The following PSMG2 variants were observed in gnomAD, a reference collection of about 807,000 sequenced individuals.
The protein encoded by PSMG2 is CD40 ligand-activated specific transcript 3.
PSMG2 carries 21 observed loss-of-function variants against 31.5 expected under a neutral mutation model. The observed-to-expected ratio is 0.67, with a 90% confidence interval of 0.47 to 0.96. The LOEUF (loss-of-function observed/expected upper bound fraction) is 0.96. Ranked by LOEUF, PSMG2 falls within the 40% of genes least tolerant of loss-of-function variation. The pLI is 0.00. For synonymous variants in PSMG2, 120 were observed against 110.4 expected (o/e 1.09, Z -0.54); for missense variants, 318 against 321.2 (o/e 0.99, Z 0.08).
At chr18:12,720,089 C>T (rs2040416595) in intron 4 of PSMG2, among the ~76,000 whole-genome samples, 1 of 152,078 alleles carries the variant, frequency 6.6e-6, no homozygotes, top group Non-Finnish European at 1.5e-5. Context: ...CTCTGTCACC[C>T]AGGCTGGAGT....
chr18:12,714,692 G>A (rs1336581967), intron 3 of PSMG2, among the ~76,000 whole-genome samples: 3 of 150,872 alleles, frequency 2.0e-5, no homozygotes, highest in African/African-American at 4.9e-5. Flanking sequence ...GTGGGGTTTC[G>A]CCATGTTGCC....
intron 4 of PSMG2, among the ~76,000 whole-genome samples, chr18:12,719,852 T>C (rs1182419599): frequency 6.7e-6 from 1 of 149,208 alleles, no homozygotes; most frequent in Admixed American, 6.7e-5. Flanking sequence ...GCCTCCCGAG[T>C]ACTTGGGACT....
chr18:12,702,730 C>G, upstream of PSMG2: 1 of 650,756 alleles, frequency 1.5e-6, no homozygotes, highest in Non-Finnish European at 2.5e-6. Context: ...AAATGAGGCC[C>G]CGGCGGCGGC....
chr18:12,676,377 C>T (rs926077830), intron 1 of PSMG2, among the ~76,000 whole-genome samples: 3 of 150,618 alleles, frequency 2.0e-5, no homozygotes, highest in Admixed American at 1.3e-4. Context: ...TCTGCCTCCC[C>T]GGCTCCTTTC....
chr18:12,713,464 G>C (rs1171655586), intron 3 of PSMG2, among the ~76,000 whole-genome samples: 1 of 152,168 alleles, frequency 6.6e-6, no homozygotes, highest in African/African-American at 2.4e-5. Context: ...AGGTTCAGAG[G>C]GTGGATTCTG....
intron 1 of PSMG2, among the ~76,000 whole-genome samples, chr18:12,672,136 A>C (rs2038964455): frequency 7.2e-6 from 1 of 138,194 alleles, no homozygotes. Context: ...TTTTTCTGAG[A>C]TGCAGTCTCG....
At chr18:12,661,079 G>A (rs919816828) in intron 1 of PSMG2, among the ~76,000 whole-genome samples, 4 of 151,854 alleles carry the variant, frequency 2.6e-5, no homozygotes, top group Admixed American at 6.6e-5. Context: ...AGGCCGAGGC[G>A]GGCAGATCAC....
chr18:12,725,459 T>G lies in PSMG2; in HGVS notation c.723T>G (p.Ser241=). 7.5e-6 allele frequency: 12 copies of G among 1,600,462 alleles called. No individual in the cohort carries two copies. Among genetic ancestry groups the G allele is most frequent in the Non-Finnish European group, 1.0e-5 (12 of 1,167,910 alleles). ...TACAGAGCGATGACCCCACAGTATC[T>G]GCCTCACGGTGGAAAATACCAAGTT... ...LKPLSDDPTV[S]ASRWKIPSSW... is the part of the protein sequence containing the mutation. Residue 241 remains serine (S), a synonymous_variant, in exon 7 of 7, where the codon TCT becomes TCG. Coordinates refer to ENST00000317615, the MANE Select transcript of PSMG2 (RefSeq NM_020232.5).
intron 1 of PSMG2, chr18:12,697,530 A>C: frequency 1.5e-6 from 1 of 681,156 alleles, no homozygotes; most frequent in Non-Finnish European, 2.3e-6. Flanking sequence ...ACAATTTGCT[A>C]ATGTCTCAGA....
intron 1 of PSMG2, chr18:12,673,407 A>G: frequency 6.2e-7 from 1 of 1,607,980 alleles, no homozygotes; most frequent in African/African-American, 1.3e-5. Context: ...TGATCCAAAC[A>G]GCACATGCAG....
chr18:12,660,310 A>G (rs1288628165), intron 1 of PSMG2, among the ~76,000 whole-genome samples: 1 of 145,378 alleles, frequency 6.9e-6, no homozygotes, highest in African/African-American at 2.6e-5. Flanking sequence ...TAATCAATGG[A>G]AAAAGATGCA....
intron 1 of PSMG2, among the ~76,000 whole-genome samples, chr18:12,665,376 G>C (rs1367888320): frequency 2.6e-5 from 4 of 152,082 alleles, no homozygotes; most frequent in Non-Finnish European, 5.9e-5. Context: ...GCAGTGAATC[G>C]AGTTCATGCC....
Position 12,703,182 on chromosome 18 carries a change from C to T in PSMG2, c.57+18C>T, listed in dbSNP as rs952579915. The T allele has an allele frequency of 1.9e-6, 3 of 1,599,654 alleles. No individual in the cohort carries two copies. The highest frequency in any genetic ancestry group is 1.3e-5 in the African/African-American group (1 of 74,492). On this transcript the variant is annotated intron_variant, in intron 1 of 6. Transcript: ENST00000317615. ...TCCTAATGGTGAGTCTCCATTTGCG[C>T]TCGGGGCTGCCGCCTCCCGAGGCCC...
At chr18:12,690,291 G>C (rs1309355601) in intron 1 of PSMG2, among the ~76,000 whole-genome samples, 2 of 152,164 alleles carry the variant, frequency 1.3e-5, no homozygotes, top group Non-Finnish European at 2.9e-5. Flanking sequence ...AAAATCTAGG[G>C]AAAGTAGGGT....
chr18:12,703,567 C>T (rs2040224579), intron 1 of PSMG2, among the ~76,000 whole-genome samples: 2 of 152,202 alleles, frequency 1.3e-5, no homozygotes, highest in Non-Finnish European at 2.9e-5. Flanking sequence ...AACATTAACT[C>T]TTGCCGGTAG....
At position 12,705,568 on chromosome 18, in the gene PSMG2, A is replaced by AGT. The variant is rs1356391959; in HGVS notation, c.58-981_58-980insTG. On this transcript the variant is annotated intron_variant, in intron 1 of 6. Coordinates refer to ENST00000317615, the MANE Select transcript of PSMG2 (RefSeq NM_020232.5). ...AAAAGAGAGAGAGAGAGAGAGAGAG[A>AGT]GAGAGAGAGTGTGTGTGTGTGTGTG... 8.2e-3 allele frequency among the ~76,000 whole-genome samples: 1,038 copies of AGT among 126,738 alleles called. 9 individuals carry two copies. Among genetic ancestry groups the AGT allele is most frequent in the African/African-American group, 0.027 (928 of 33,870 alleles). The allele number at this position is 126,738 out of a possible 152,430, so 83.1% of individuals were successfully genotyped here.
At chr18:12,699,984 G>A, upstream of PSMG2, 1 of 880,254 alleles carries the variant, frequency 1.1e-6, no homozygotes, top group Non-Finnish European at 1.7e-6. Flanking sequence ...ACATGACTAA[G>A]CACTGAACCT....
chr18:12,722,077 AC>A (rs2040435899), intron 5 of PSMG2, among the ~76,000 whole-genome samples: 1 of 152,132 alleles, frequency 6.6e-6, no homozygotes, highest in Non-Finnish European at 1.5e-5. Context: ...TGTCTTCTAG[AC>A]AAGGAAGTTG....
intron 2 of PSMG2, among the ~76,000 whole-genome samples, chr18:12,711,510 T>C (rs971256122): frequency 6.6e-6 from 1 of 152,148 alleles, no homozygotes; most frequent in African/African-American, 2.4e-5. Context: ...AAACTTCCTT[T>C]GGACTGAACA....
Sources: allele counts gnomAD v4.1 joint callset (sites outside exome capture counted in the v4.1 genomes callset), GRCh38; gene constraint gnomAD v4.1.1; transcripts MANE v1.5; gene names NCBI Gene and HGNC (gene_info 2026-07-23, HGNC 2026-07-21).